TMEM9: variants seen among roughly 807,000 people sequenced by gnomAD.
TMEM9 encodes the protein transmembrane protein 9.
Under a neutral mutation model 22.8 loss-of-function variants are expected in TMEM9, and 13 were observed. The ratio of observed to expected loss-of-function variants is 0.57; its 90% confidence interval spans 0.37 to 0.91. The LOEUF (loss-of-function observed/expected upper bound fraction) is 0.91. Ranked by LOEUF, TMEM9 falls within the 40% of genes least tolerant of loss-of-function variation. The probability of loss-of-function intolerance (pLI) is 0.01; values close to 1 mark genes in which losing one functional copy is unlikely to be tolerated. For synonymous variants in TMEM9, 88 were observed against 93.0 expected (o/e 0.95, Z 0.31); for missense variants, 182 against 238.1 (o/e 0.76, Z 1.55).
intron 4 of TMEM9, among the ~76,000 whole-genome samples, chr1:201,140,435 G>A (rs1664419195): frequency 1.3e-5 from 2 of 152,224 alleles, no homozygotes; most frequent in Non-Finnish European, 1.5e-5. Flanking sequence ...AATGCTGCTG[G>A]AATCCCAGGG....
At chr1:201,157,027 T>C (rs1316462795), upstream of TMEM9, among the ~76,000 whole-genome samples, 1 of 152,010 alleles carries the variant, frequency 6.6e-6, no homozygotes, top group Non-Finnish European at 1.5e-5. Context: ...ATCAAGGAGG[T>C]AGACACACAA....
chr1:201,166,287 C>A (rs112138986), intron 1 of TMEM9, among the ~76,000 whole-genome samples: 1,529 of 152,084 alleles, frequency 0.01, 28 homozygotes, highest in African/African-American at 0.035. Flanking sequence ...TGGTCACTAC[C>A]CACGATACTG....
Position 201,135,517 on chromosome 1 carries a change from T to C in TMEM9, c.*146A>G, listed in dbSNP as rs1463339150. On this transcript the variant is annotated 3_prime_UTR_variant, in exon 5 of 5. Transcript: ENST00000367330. ...TCAAAATAGCCAAGTACAACATTTC[T>C]AAAGTTAGGGAGAAGGAGGAAAAAT... 1.2e-6 allele frequency: 1 copy of C among 806,000 alleles called. No individual in the cohort carries two copies. 49.9% of individuals were successfully genotyped at this position (806,000 alleles called of 1,614,324 possible).
In TMEM9 at chr1:201,165,150, T is replaced by TTATATATATATATATATATATATATA. The variant is rs57281429; in HGVS notation, c.-37+6314_-37+6339dup. Among the ~76,000 whole-genome samples the TTATATATATATATATATATATATATA allele has an allele frequency of 2.7e-3, 239 of 86,912 alleles. 7 individuals are homozygous for TTATATATATATATATATATATATATA. The highest frequency in any genetic ancestry group is 4.4e-3 in the Non-Finnish European group (172 of 39,022). 57.0% of individuals were successfully genotyped at this position (86,912 alleles called of 152,430 possible). A position where few individuals can be genotyped will look rare whatever the true frequency, so the allele number is the denominator to read the frequency against. On this transcript the variant is annotated intron_variant, in intron 1 of 5. Coordinates refer to the TMEM9 transcript ENST00000367333. ...CATTTTATCACTTTTTAAGAGAAAA[T>TTATATATATATATATATATATATATA]TATATATATATATATATATATATAT...
chr1:201,168,241 A>G (rs928361474), intron 1 of TMEM9, among the ~76,000 whole-genome samples: 9 of 152,172 alleles, frequency 5.9e-5, no homozygotes, highest in Non-Finnish European at 5.9e-5. Flanking sequence ...TTTGGTGGAC[A>G]TGTGCATTCA....
In TMEM9 at chr1:201,153,964, A is replaced by T. The variant is rs773468633; in HGVS notation, c.-41T>A. Reference sequence around the variant, plus strand: ...TGGGCCAGCAAAGCCGGACACCTGGAAAAAGAGATACGGAGTCGGAGAAGG... The same window carrying T: ...TGGGCCAGCAAAGCCGGACACCTGGTAAAAGAGATACGGAGTCGGAGAAGG... On this transcript the variant is annotated 5_prime_UTR_variant, in exon 1 of 5. Coordinates refer to ENST00000367330, the MANE Select transcript of TMEM9 (RefSeq NM_001288565.2). The T allele has an allele frequency of 2.8e-5, 45 of 1,581,638 alleles. No individual in the cohort carries two copies. The highest frequency in any genetic ancestry group is 4.3e-6 in the Non-Finnish European group (5 of 1,163,310).
intron 1 of TMEM9, among the ~76,000 whole-genome samples, chr1:201,162,226 G>A (rs1665963942): frequency 6.6e-6 from 1 of 151,422 alleles, no homozygotes; most frequent in Non-Finnish European, 1.5e-5. Context: ...CACAATCATG[G>A]CTCACTGCAG....
At chr1:201,150,315 G>T (rs866095218) in intron 2 of TMEM9, among the ~76,000 whole-genome samples, 4 of 152,314 alleles carry the variant, frequency 2.6e-5, no homozygotes, top group African/African-American at 9.6e-5. Context: ...AGTCTGTGGT[G>T]TAAGTTTGAC....
At chr1:201,150,113 G>A (rs57574750) in intron 2 of TMEM9, among the ~76,000 whole-genome samples, 2 of 152,246 alleles carry the variant, frequency 1.3e-5, no homozygotes, top group Non-Finnish European at 2.9e-5. Flanking sequence ...AGGACAGAGA[G>A]AGTGTTCCTA....
chr1:201,161,097 C>A lies in TMEM9; in HGVS notation c.-36-7138G>T, dbSNP rs553130045. The stretch of plus-strand genomic sequence containing the variant: ...CATAAGCGTCTTTTGGTCAAAAAAA[C>A]CCCTATATTTTCCAAAAGATAAAAT... On this transcript the variant is annotated intron_variant, in intron 1 of 5. Coordinates refer to the TMEM9 transcript ENST00000367333. 9.7e-4 allele frequency among the ~76,000 whole-genome samples: 148 copies of A among 152,124 alleles called. 1 individual carries two copies. Among genetic ancestry groups the A allele is most frequent in the African/African-American group, 3.0e-3 (124 of 41,490 alleles).
At chr1:201,149,038 T>C (rs1665217428) in intron 2 of TMEM9, among the ~76,000 whole-genome samples, 1 of 152,212 alleles carries the variant, frequency 6.6e-6, no homozygotes, top group African/African-American at 2.4e-5. Flanking sequence ...TAGAAGGTCA[T>C]ACCAGTATTG....
intron 1 of TMEM9, among the ~76,000 whole-genome samples, chr1:201,160,698 A>T (rs1665920538): frequency 1.3e-5 from 2 of 151,712 alleles, no homozygotes; most frequent in South Asian, 4.2e-4. Context: ...GCACTTTGGG[A>T]GGCTGAGGTG....
chr1:201,139,071 T>TAGCCCTG (rs1407545132), intron 4 of TMEM9, among the ~76,000 whole-genome samples: 2 of 152,236 alleles, frequency 1.3e-5, no homozygotes, highest in Non-Finnish European at 2.9e-5. Flanking sequence ...CTGATCAAAC[T>TAGCCCTG]AGCCCTGAGC....
At chr1:201,140,441 C>A (rs1383291569) in intron 4 of TMEM9, among the ~76,000 whole-genome samples, 1 of 152,222 alleles carries the variant, frequency 6.6e-6, no homozygotes, top group African/African-American at 2.4e-5. Context: ...GCTGGAATCC[C>A]AGGGGAGGCA....
intron 2 of TMEM9, among the ~76,000 whole-genome samples, chr1:201,150,054 C>T (rs531424535): frequency 2.0e-5 from 3 of 152,192 alleles, no homozygotes; most frequent in South Asian, 2.1e-4. Flanking sequence ...GACAGGACTC[C>T]GTCCTCTGCA....
At chr1:201,161,891 A>G (rs2102293090) in intron 1 of TMEM9, among the ~76,000 whole-genome samples, 1 of 152,334 alleles carries the variant, frequency 6.6e-6, no homozygotes, top group South Asian at 2.1e-4. Context: ...TGGTTTTTTA[A>G]TGCAGAGACT....
intron 4 of TMEM9, among the ~76,000 whole-genome samples, chr1:201,138,650 C>T (rs555471581): frequency 5.6e-4 from 86 of 152,350 alleles, no homozygotes; most frequent in African/African-American, 2.0e-3. Flanking sequence ...ACCAGTGTGA[C>T]TATGACAAGT....
chr1:201,144,369 G>C (rs966292590), intron 3 of TMEM9: 1 of 199,336 alleles, frequency 5.0e-6, no homozygotes, highest in African/African-American at 2.3e-5. Context: ...GCTGGGGCCA[G>C]GAAAAGTAAA....
At chr1:201,147,553 C>T (rs1361709216) in intron 2 of TMEM9, among the ~76,000 whole-genome samples, 1 of 152,198 alleles carries the variant, frequency 6.6e-6, no homozygotes, top group South Asian at 2.1e-4. Flanking sequence ...TCCTATCTTC[C>T]TCGGACAACC....
Sources: allele counts gnomAD v4.1 joint callset (sites outside exome capture counted in the v4.1 genomes callset), GRCh38; gene constraint gnomAD v4.1.1; transcripts MANE v1.5; gene names NCBI Gene and HGNC (gene_info 2026-07-23, HGNC 2026-07-21).